Variants in CNTN4 observed in about 807,000 individuals in gnomAD.
CNTN4 encodes the protein contactin-4.
CNTN4 carries 77 observed loss-of-function variants against 122.5 expected under a neutral mutation model. That is an observed-to-expected ratio of 0.63 (90% confidence interval 0.52 to 0.76). CNTN4 has a LOEUF of 0.76. Among genes scored for constraint, CNTN4 ranks in the 30% least tolerant of loss-of-function variants. The probability of loss-of-function intolerance (pLI) is 0.00; values close to 1 mark genes in which losing one functional copy is unlikely to be tolerated. For synonymous variants in CNTN4, 512 were observed against 447.0 expected, an observed-to-expected ratio of 1.15 and a Z score of -1.83; for missense variants, 1,256 against 1,259.1, an observed-to-expected ratio of 1.00 and a Z score of 0.04.
At chr3:2,395,017 C>T (rs2046590989) in intron 3 of CNTN4, among the ~76,000 whole-genome samples, 1 of 151,998 alleles carries the variant, frequency 6.6e-6, no homozygotes, top group African/African-American at 2.4e-5. Flanking sequence ...GAAGTGCTGG[C>T]CTCAAGTCAT....
intron 2 of CNTN4, among the ~76,000 whole-genome samples, chr3:2,271,889 A>G (rs972374309): frequency 1.3e-5 from 2 of 152,178 alleles, no homozygotes; most frequent in African/African-American, 4.8e-5. Flanking sequence ...CAGAATTTAA[A>G]TGTTAAGGGA....
intron 3 of CNTN4, among the ~76,000 whole-genome samples, chr3:2,515,214 G>A (rs1317454734): frequency 2.6e-5 from 4 of 152,120 alleles, no homozygotes; most frequent in Non-Finnish European, 5.9e-5. Flanking sequence ...CAGGGACCCA[G>A]AAAGTTATGC....
At chr3:2,659,280 G>A (rs995006829) in intron 4 of CNTN4, among the ~76,000 whole-genome samples, 12 of 151,706 alleles carry the variant, frequency 7.9e-5, no homozygotes, top group Non-Finnish European at 1.3e-4. Flanking sequence ...TGGCCAACAT[G>A]GTAAAACCCC....
intron 4 of CNTN4, among the ~76,000 whole-genome samples, chr3:2,588,698 T>C (rs2080322602): frequency 6.6e-6 from 1 of 151,364 alleles, no homozygotes; most frequent in African/African-American, 2.4e-5. Context: ...CTGATCTCTG[T>C]ACAATCCAAA....
At chr3:2,165,997 A>G (rs1241014656) in intron 2 of CNTN4, among the ~76,000 whole-genome samples, 2 of 152,246 alleles carry the variant, frequency 1.3e-5, no homozygotes, top group Non-Finnish European at 2.9e-5. Context: ...ATTTTGAATA[A>G]TGCTGTAATG....
At chr3:2,496,572 T>G (rs578098790) in intron 3 of CNTN4, among the ~76,000 whole-genome samples, 1 of 152,282 alleles carries the variant, frequency 6.6e-6, no homozygotes, top group South Asian at 2.1e-4. Context: ...AATTTCAGTC[T>G]CCTGGAGATA....
chr3:2,126,479 A>T (rs563246095), intron 2 of CNTN4, among the ~76,000 whole-genome samples: 2 of 152,202 alleles, frequency 1.3e-5, no homozygotes, highest in Non-Finnish European at 2.9e-5. Context: ...GATTTATGCC[A>T]TATAATTAAG....
intron 12 of CNTN4, among the ~76,000 whole-genome samples, chr3:2,906,786 G>A (rs1032374291): frequency 6.7e-6 from 1 of 150,346 alleles, no homozygotes; most frequent in African/African-American, 2.4e-5. Flanking sequence ...AGAGGTTGCA[G>A]TGAGCCAAGA....
intron 3 of CNTN4, among the ~76,000 whole-genome samples, chr3:2,354,227 G>A (rs1311985248): frequency 6.6e-6 from 1 of 152,184 alleles, no homozygotes; most frequent in Non-Finnish European, 1.5e-5. Context: ...TATTGCTACA[G>A]TTGAATAAGA....
chr3:2,399,986 A>C (rs996817218), intron 3 of CNTN4, among the ~76,000 whole-genome samples: 3 of 152,214 alleles, frequency 2.0e-5, no homozygotes, highest in Middle Eastern at 3.4e-3. Context: ...AGGAAGAAAT[A>C]TAATTGTGTG....
intron 4 of CNTN4, among the ~76,000 whole-genome samples, chr3:2,593,880 C>A (rs1559281673): frequency 6.6e-6 from 1 of 152,114 alleles, no homozygotes; most frequent in Non-Finnish European, 1.5e-5. Context: ...TGTGATGTCC[C>A]AGTTAGTTCC....
chr3:2,945,782 TAA>T (rs912785384), intron 13 of CNTN4, among the ~76,000 whole-genome samples: 3 of 152,206 alleles, frequency 2.0e-5, no homozygotes, highest in Non-Finnish European at 4.4e-5. Context: ...TTAATTAGCC[TAA>T]GTTAGTACAT....
intron 4 of CNTN4, among the ~76,000 whole-genome samples, chr3:2,718,197 A>G (rs2087616743): frequency 6.6e-6 from 1 of 152,060 alleles, no homozygotes; most frequent in African/African-American, 2.4e-5. Flanking sequence ...TGACCAAAAT[A>G]GCCTCATATA....
chr3:2,637,485 A>G (rs567016504), intron 4 of CNTN4, among the ~76,000 whole-genome samples: 43 of 151,980 alleles, frequency 2.8e-4, no homozygotes, highest in African/African-American at 1.0e-3. Context: ...CCTTTGCCTT[A>G]TCTCTGAAAC....
At chr3:2,493,879 AC>A (rs760911647) in intron 3 of CNTN4, among the ~76,000 whole-genome samples, 3 of 152,076 alleles carry the variant, frequency 2.0e-5, no homozygotes, top group Non-Finnish European at 4.4e-5. Flanking sequence ...AGACTTGATG[AC>A]TGGAGCTTTA....
At chr3:2,156,751 C>T (rs976241336) in intron 2 of CNTN4, among the ~76,000 whole-genome samples, 1 of 152,024 alleles carries the variant, frequency 6.6e-6, no homozygotes, top group Admixed American at 6.6e-5. Flanking sequence ...AATCTTCTGG[C>T]CCCAGTTTTG....
chr3:3,032,477 G>C (rs1393776444), intron 16 of CNTN4, among the ~76,000 whole-genome samples: 1 of 152,146 alleles, frequency 6.6e-6, no homozygotes, highest in Non-Finnish European at 1.5e-5. Flanking sequence ...AGTTAATAAG[G>C]CCAATAAATT....
At chr3:2,416,958 G>T (rs573323252) in intron 3 of CNTN4, among the ~76,000 whole-genome samples, 14 of 152,238 alleles carry the variant, frequency 9.2e-5, no homozygotes, top group Non-Finnish European at 1.5e-4. Flanking sequence ...CCGGCCCAGT[G>T]TCGCAACTTT....
chr3:2,971,509 C>T (rs543746192), intron 13 of CNTN4, among the ~76,000 whole-genome samples: 1 of 152,090 alleles, frequency 6.6e-6, no homozygotes, highest in East Asian at 1.9e-4. Context: ...ACATTTTTTT[C>T]AAACTATGCA....
Sources: gnomAD v4.1 joint callset for allele counts (sites outside exome capture counted in the v4.1 genomes callset) on GRCh38, gnomAD v4.1.1 for gene constraint, MANE v1.5 for transcripts, NCBI Gene and HGNC (gene_info 2026-07-23, HGNC 2026-07-21) for gene names.